TTN: variants seen among roughly 807,000 people sequenced by gnomAD.
TTN encodes titin, also known as connectin.
A neutral mutation model predicts 3,223.0 loss-of-function variants in TTN; 1,525 were observed. That is an observed-to-expected ratio of 0.47 (90% CI 0.45 to 0.49). The LOEUF (loss-of-function observed/expected upper bound fraction) is 0.49. TTN is among the 20% of genes least tolerant of loss of function. The pLI, the probability that TTN is intolerant of heterozygous loss-of-function variation, is 0.00. For synonymous variants in TTN, 14,094 were observed against 15,161.0 expected (o/e 0.93, Z 5.17); for missense variants, 40,786 against 43,424.0 (o/e 0.94, Z 5.40).
rs1323115557 is a variant in TTN, at chr2:178,590,236, G to C, written c.61489C>G (p.Leu20497Val). Reference sequence around the variant, plus strand: ...TCAGGTCTGCCTTTGACTCGAGCTAGAATGCGGATAGTTTGGCCTACTCTC... The same window carrying C: ...TCAGGTCTGCCTTTGACTCGAGCTACAATGCGGATAGTTTGGCCTACTCTC... ...TVRVGQTIRI[L>V]ARVKGRPEPD... The change falls in exon 304 of 363, where the codon CTA (leucine) becomes GTA (valine). Residue 20497 changes from leucine to valine, a missense_variant. Coordinates refer to ENST00000589042, the MANE Select transcript of TTN (RefSeq NM_001267550.2). 1 of 1,592,088 alleles carries C rather than the reference G, an allele frequency of 6.3e-7. No homozygotes were observed. The highest frequency in any genetic ancestry group is 8.6e-7 in the Non-Finnish European group (1 of 1,169,154).
Position 178,615,803 on chromosome 2 carries a change from T to A in TTN, c.48313-15A>T. 2 of 1,601,628 alleles carry A rather than the reference T, an allele frequency of 1.2e-6. No homozygotes were observed. Among genetic ancestry groups the A allele is most frequent in the Middle Eastern group, 1.7e-4 (1 of 5,996 alleles). ...AAGTCCATAACCTGGGACAAAGAAA[T>A]ACAGTTAATCAGTTATTTCCAAAAA... On this transcript the variant is annotated splice_polypyrimidine_tract_variant and intron_variant, in intron 257 of 362. Coordinates refer to ENST00000589042, the MANE Select transcript of TTN (RefSeq NM_001267550.2).
intron 10 of TTN, among the ~76,000 whole-genome samples, chr2:178,791,058 T>C (rs1405290027): frequency 2.0e-5 from 3 of 152,216 alleles, no homozygotes; most frequent in African/African-American, 7.2e-5. Context: ...TAGCAAATTG[T>C]CCTAGAACTG....
rs571991055 is a variant in TTN at position 178,746,888 on chromosome 2, T to A, written c.11312-4967A>T. 3.1e-6 allele frequency: 5 copies of A among 1,613,532 alleles called. No homozygotes were observed. The Admixed American group carries it at 6.7e-5, about 22-fold the overall frequency. On this transcript the variant is annotated intron_variant, in intron 47 of 362. Transcript: ENST00000589042. ...ATTGTCTTTTGGCTCAATGGCTTCA[T>A]TGGGTGTACCAAATGAATCGGAACG...
intron 43 of TTN, 73 bp downstream of exon 43, chr2:178,764,104 A>G: frequency 1.2e-6 from 2 of 1,604,228 alleles, no homozygotes; most frequent in South Asian, 2.2e-5. Context: ...GATGGAGGAG[A>G]AGCTGACAGA....
Position 178,732,182 on chromosome 2 carries a change from T to G in TTN, c.16787A>C (p.Glu5596Ala). The change falls in exon 57 of 363, where the codon GAG becomes GCG. Residue 5596 changes from glutamate (E) to alanine (A), a missense_variant. Physicochemically the swap from Glu to Ala is moderately radical, Grantham distance 107. Transcript: ENST00000589042. Reference sequence around the variant, plus strand: ...TGTCAGTCTTAGAACTGCAGTAGACTCCACAAAAGACATTCTGTGTTTGCT... The same window carrying G: ...TGTCAGTCTTAGAACTGCAGTAGACGCCACAAAAGACATTCTGTGTTTGCT... ...ESSKHRMSFVESTAVLRLTDV... is the reference protein window; with the variant it reads ...ESSKHRMSFVASTAVLRLTDV... 7 of 1,613,858 alleles carry G rather than the reference T, an allele frequency of 4.3e-6. No homozygotes were observed. The highest frequency in any genetic ancestry group is 5.9e-6 in the Non-Finnish European group (7 of 1,179,782).
intron 305 of TTN, 34 bp downstream of exon 305, chr2:178,587,865 T>G (rs1466426327): frequency 6.4e-7 from 1 of 1,569,052 alleles, no homozygotes; most frequent in Non-Finnish European, 8.6e-7. Flanking sequence ...AGAAATTAAG[T>G]GTGAATGAAT....
rs200100660 is a variant in TTN, at chr2:178,605,274, C to T, written c.53903G>A (p.Arg17968His). The T allele has an allele frequency of 1.1e-4, 176 of 1,591,464 alleles. No homozygotes were observed. Among genetic ancestry groups the T allele is most frequent in the Middle Eastern group, 5.0e-4 (3 of 5,980 alleles). ...DDEVPPTIKL[R>H]LSVRGDTIKV... ...GATAGTGTCTCCTCGAACACTCAGACGCAACTTAATAGTTGGAGGCACTGC... is the reference window on the plus strand; with the variant it reads ...GATAGTGTCTCCTCGAACACTCAGATGCAACTTAATAGTTGGAGGCACTGC... The change falls in exon 280 of 363, where the codon CGT (arginine) becomes CAT (histidine). Residue 17968 changes from arginine (R) to histidine (H), a missense_variant. Physicochemically the swap from Arg to His is conservative, Grantham distance 29. Transcript: ENST00000589042.
Position 178,782,922 on chromosome 2 carries a change from C to T in TTN, c.2984G>A (p.Ser995Asn). 2 of 1,614,124 alleles carry T rather than the reference C, an allele frequency of 1.2e-6. No homozygotes were observed. Among genetic ancestry groups the T allele is most frequent in the Non-Finnish European group, 1.7e-6 (2 of 1,180,004 alleles). Residue 995 changes from serine to asparagine, a missense_variant, in exon 18 of 363, where the codon AGT becomes AAT. Transcript: ENST00000589042. Reference sequence around the variant, plus strand: ...GCGAATCATAAGACGAGCAATTCCACTCTGGAAGGTTATCTGGAAGTCAAT... The same window carrying T: ...GCGAATCATAAGACGAGCAATTCCATTCTGGAAGGTTATCTGGAAGTCAAT... ...SSIDFQITFQ[S>N]GIARLMIREA...
Position 178,592,606 on chromosome 2 carries a change from A to G in TTN, c.59399T>C (p.Val19800Ala), listed in dbSNP as rs747359962. The G allele has an allele frequency of 9.3e-6, 15 of 1,613,408 alleles. No individual in the cohort carries two copies. The highest frequency in any genetic ancestry group is 1.3e-5 in the Non-Finnish European group (15 of 1,179,606). Residue 19800 changes from valine (V) to alanine (A), a missense_variant, in exon 301 of 363, where the codon GTT becomes GCT. Val to Ala is a moderately conservative substitution (Grantham distance 64). Coordinates refer to ENST00000589042, the MANE Select transcript of TTN (RefSeq NM_001267550.2). ...ANMAREQHIK[V>A]GDTLRLSAII... The stretch of plus-strand genomic sequence containing the variant: ...GGCACTAAGTCTTAGAGTATCACCA[A>G]CTTTAATGTGTTGTTCTCTTGCCAT...
rs755876442 is a variant in TTN, at chr2:178,565,935, C to T, written c.80197G>A (p.Val26733Met). Residue 26733 changes from valine to methionine, a missense_variant, in exon 326 of 363, where the codon GTG becomes ATG. Physicochemically the swap from Val to Met is conservative, Grantham distance 21 (BLOSUM62 1). Transcript: ENST00000589042. ...RESTRKAYAN[V>M]SSKCSKTSFK... ...CTTGTTTTGCTGCATTTACTACTCA[C>T]ATTAGCATACGCTTTTCTGGTTGAC... The T allele has an allele frequency of 1.4e-5, 22 of 1,613,644 alleles. No homozygotes were observed. The highest frequency in any genetic ancestry group is 1.8e-5 in the Non-Finnish European group (21 of 1,179,684).
At position 178,591,954 on chromosome 2, in the gene TTN, T is replaced by C. The variant is rs751207868; in HGVS notation, c.59926+24A>G. 3 of 1,607,328 alleles carry C rather than the reference T, an allele frequency of 1.9e-6. No homozygotes were observed. In the African/African-American group the frequency reaches 4.0e-5, roughly 22 times the overall value. ...TCTTAAAGACAGTCAAACAATAGTTTTGTATTCAGAGAAAGCAACTTACGG... is the reference window on the plus strand; with the variant it reads ...TCTTAAAGACAGTCAAACAATAGTTCTGTATTCAGAGAAAGCAACTTACGG... On this transcript the variant is annotated intron_variant, in intron 302 of 362. Coordinates refer to ENST00000589042, the MANE Select transcript of TTN (RefSeq NM_001267550.2).
At position 178,707,614 on chromosome 2, in the gene TTN, A is replaced by C; in HGVS notation, c.28953T>G (p.Asp9651Glu). ...AATCTCCCGAATCTGCTTTAGCCAC[A>C]TCTCTGAGTTCCAGTACAGCTGTCC... is the stretch of plus-strand genomic sequence containing the variant. ...ASGTAVLELRDVAKADSGDYV... is the reference protein window; with the variant it reads ...ASGTAVLELREVAKADSGDYV... Residue 9651 changes from aspartate (D) to glutamate (E), a missense_variant, in exon 100 of 363, where the codon GAT (aspartate) becomes GAG (glutamate). Physicochemically the swap from Asp to Glu is conservative, Grantham distance 45. Coordinates refer to ENST00000589042, the MANE Select transcript of TTN (RefSeq NM_001267550.2). 1.2e-6 allele frequency: 2 copies of C among 1,613,878 alleles called. No individual in the cohort carries two copies. The highest frequency in any genetic ancestry group is 1.7e-6 in the Non-Finnish European group (2 of 1,179,844).
At position 178,558,532 on chromosome 2, in the gene TTN, T is replaced by C. The variant is rs1392632968; in HGVS notation, c.86927A>G (p.His28976Arg). The change falls in exon 327 of 363, where the codon CAC becomes CGC. Residue 28976 changes from histidine (H) to arginine (R), a missense_variant. Coordinates refer to ENST00000589042, the MANE Select transcript of TTN (RefSeq NM_001267550.2). The part of the protein sequence containing the change: ...PEHDGGSRIV[H>R]YVVEALEKGQ... ...TTTTTCTAGTGCTTCAACGACATAG[T>C]GTACAATTCTGCTTCCGCCATCATG... The C allele has an allele frequency of 1.2e-6, 2 of 1,613,782 alleles. No homozygotes were observed. The highest frequency in any genetic ancestry group is 3.3e-5 in the Admixed American group (2 of 60,006).
In TTN at chr2:178,576,255, C is replaced by T; in HGVS notation, c.69877G>A (p.Gly23293Arg). Residue 23293 changes from glycine (G) to arginine (R), a missense_variant, in exon 326 of 363, where the codon GGA becomes AGA. Physicochemically the swap from Gly to Arg is moderately radical, Grantham distance 125 (BLOSUM62 -2). Coordinates refer to ENST00000589042, the MANE Select transcript of TTN (RefSeq NM_001267550.2). This position sits in a 1 kb window ranked among gnomAD's most constrained non-coding sequence, Gnocchi z 4.3. ...AACTGAGTGATTCTGAGGGCGGTTC[C>T]TGTGGTATCTTTTATCCAGGCCTCG... is the stretch of plus-strand genomic sequence containing the variant. The part of the protein sequence containing the change: ...GDEAWIKDTT[G>R]TALRITQFVV... 1 of 1,611,754 alleles carries T rather than the reference C, an allele frequency of 6.2e-7. No individual in the cohort carries two copies. Among genetic ancestry groups the T allele is most frequent in the South Asian group, 1.1e-5 (1 of 90,772 alleles).
chr2:178,601,800 A>G lies in TTN; in HGVS notation c.55303-13T>C. ...CAGCAGTCTCCAGCTGTACAAAGAA[A>G]ATAGTAGTCATACATTGAATGAAAT... is the stretch of plus-strand genomic sequence containing the variant. On this transcript the variant is annotated splice_polypyrimidine_tract_variant and intron_variant, in intron 285 of 362. Transcript: ENST00000589042. 6.2e-7 allele frequency: 1 copy of G among 1,601,804 alleles called. No homozygotes were observed. Among genetic ancestry groups the G allele is most frequent in the East Asian group, 2.2e-5 (1 of 44,612 alleles).
At chr2:178,725,045 TC>T (rs2079098398) in intron 71 of TTN, 1 of 271,948 alleles carries the variant, frequency 3.7e-6, no homozygotes, top group Non-Finnish European at 6.8e-6. Flanking sequence ...CCTTTGGAGT[TC>T]TTGTTAGTTT....
At chr2:178,600,172 A>C (rs1184290467) in intron 288 of TTN, among the ~76,000 whole-genome samples, 1 of 151,890 alleles carries the variant, frequency 6.6e-6, no homozygotes, top group Non-Finnish European at 1.5e-5. Flanking sequence ...GTAGTAGGAG[A>C]GTATCATGGG....
chr2:178,571,789 T>A lies in TTN; in HGVS notation c.74343A>T (p.Glu24781Asp). 1.2e-6 allele frequency: 2 copies of A among 1,613,482 alleles called. No individual in the cohort carries two copies. The highest frequency in any genetic ancestry group is 1.7e-6 in the Non-Finnish European group (2 of 1,179,588). Residue 24781 changes from glutamate to aspartate, a missense_variant, in exon 326 of 363, where the codon GAA (glutamate) becomes GAT (aspartate). Transcript: ENST00000589042. ...GTTTAACCACATAATGGCCAACATC[T>A]TCTCGGCAGGCGTCCTTTATTGTCA... The part of the protein sequence containing the change: ...SLLTIKDACR[E>D]DVGHYVVKLT...
chr2:178,749,284 C>A, intron 47 of TTN: 1 of 1,611,436 alleles, frequency 6.2e-7, no homozygotes, highest in Non-Finnish European at 8.5e-7. Context: ...CTGCTTGGTG[C>A]AGCTTTGATT....
Sources: gnomAD v4.1 joint callset for allele counts (sites outside exome capture counted in the v4.1 genomes callset) on GRCh38, gnomAD v4.1.1 for gene constraint, Gnocchi (gnomAD v3.1) non-coding constraint, MANE v1.5 for transcripts, NCBI Gene and HGNC (gene_info 2026-07-23, HGNC 2026-07-21) for gene names.